PLD1: variants seen among roughly 807,000 people sequenced by gnomAD.
The protein encoded by PLD1 is phospholipase D1, also known as choline phosphatase 1.
A neutral mutation model predicts 137.1 loss-of-function variants in PLD1; 112 were observed. The observed-to-expected ratio is 0.82, with a 90% confidence interval of 0.70 to 0.96. PLD1 has a LOEUF of 0.96. Among genes scored for constraint, PLD1 ranks in the 40% least tolerant of loss-of-function variants. PLD1 has a pLI of 0.00. For missense variants in PLD1, 1,321 were observed against 1,342.0 expected (o/e 0.98, Z 0.24); for synonymous variants, 431 against 454.7 (o/e 0.95, Z 0.66).
In PLD1 at chr3:171,724,723, C is replaced by G. The variant is rs762549670; in HGVS notation, c.731G>C (p.Gly244Ala). The change falls in exon 8 of 27, where the codon GGA becomes GCA. Residue 244 changes from glycine (G) to alanine (A), a missense_variant. By Grantham distance (60) the Gly-to-Ala change is moderately conservative. Coordinates refer to ENST00000351298, the MANE Select transcript of PLD1 (RefSeq NM_002662.5). ...TTTTGACCATCTGTAGCAGGCTCTT[C>G]CCTGACCACAGCAATTCAAGCCTGG... ...RIPGLNCCGQGRACYRWSKRW... is the reference protein window; with the variant it reads ...RIPGLNCCGQARACYRWSKRW... 1.9e-6 allele frequency: 3 copies of G among 1,609,716 alleles called. No homozygotes were observed. Among genetic ancestry groups the G allele is most frequent in the East Asian group, 4.5e-5 (2 of 44,866 alleles).
At chr3:171,688,998 G>T in intron 13 of PLD1, 122 bp from the exon 14 acceptor site, 3 of 634,540 alleles carry the variant, frequency 4.7e-6, no homozygotes, top group African/African-American at 3.7e-5. Context: ...ACTGTACAAC[G>T]TATACACCAA....
At chr3:171,731,986 A>G (rs1039215472) in intron 6 of PLD1, among the ~76,000 whole-genome samples, 6 of 152,226 alleles carry the variant, frequency 3.9e-5, no homozygotes, top group Non-Finnish European at 8.8e-5. Flanking sequence ...TCCCAAATGT[A>G]GAAAAGTACA....
chr3:171,808,476 C>A (rs1461862431), intron 1 of PLD1, among the ~76,000 whole-genome samples: 1 of 152,110 alleles, frequency 6.6e-6, no homozygotes, highest in South Asian at 2.1e-4. Context: ...GTGGAGCTTG[C>A]AGTGAGCCGA....
rs576196114 is a variant in PLD1 at position 171,727,924 on chromosome 3, G to C, written c.607-1848C>G. Among the ~76,000 whole-genome samples the C allele has an allele frequency of 3.9e-5, 6 of 152,222 alleles. No individual in the cohort carries two copies. The East Asian group carries it at 5.8e-4, about 15-fold the overall frequency. The stretch of plus-strand genomic sequence containing the variant: ...TTCTTGGGGTTATTTGCAGAAAATA[G>C]GTCTTTAAAATTCAAAAGGACTTAA... On this transcript the variant is annotated intron_variant, in intron 6 of 26. Transcript: ENST00000351298.
At chr3:171,719,159 T>C (rs960402973) in intron 8 of PLD1, among the ~76,000 whole-genome samples, 1 of 152,180 alleles carries the variant, frequency 6.6e-6, no homozygotes, top group Non-Finnish European at 1.5e-5. Flanking sequence ...ATTCCATGGA[T>C]GGTCTCTTCT....
intron 1 of PLD1, among the ~76,000 whole-genome samples, chr3:171,794,985 C>T (rs1004752898): frequency 3.9e-5 from 6 of 152,182 alleles, no homozygotes; most frequent in Non-Finnish European, 5.9e-5. Flanking sequence ...TAGACATATG[C>T]GCATGCACAT....
intron 23 of PLD1, among the ~76,000 whole-genome samples, chr3:171,626,215 C>G (rs112400339): frequency 0.07 from 10,648 of 152,146 alleles, 1,081 homozygotes; most frequent in African/African-American, 0.22. Flanking sequence ...GCAGAAGCCT[C>G]AAGAGCCGAT....
chr3:171,722,850 T>C (rs1718231298), intron 8 of PLD1, among the ~76,000 whole-genome samples: 1 of 152,150 alleles, frequency 6.6e-6, no homozygotes, highest in Non-Finnish European at 1.5e-5. Flanking sequence ...TCATTTCTCT[T>C]TTTTTAATGT....
At chr3:171,706,169 C>T (rs1716680387) in intron 11 of PLD1, among the ~76,000 whole-genome samples, 1 of 116,870 alleles carries the variant, frequency 8.6e-6, no homozygotes, top group Admixed American at 8.8e-5. Context: ...TATCTATCTA[C>T]AACTGATATA....
chr3:171,748,998 T>A (rs942437231), intron 1 of PLD1, among the ~76,000 whole-genome samples: 1 of 151,854 alleles, frequency 6.6e-6, no homozygotes, highest in Non-Finnish European at 1.5e-5. Flanking sequence ...TCTGATGTTG[T>A]CCACTATAGA....
chr3:171,659,959 CTG>C (rs1462423203), intron 20 of PLD1, among the ~76,000 whole-genome samples: 1 of 152,140 alleles, frequency 6.6e-6, no homozygotes, highest in African/African-American at 2.4e-5. Flanking sequence ...GTCTTTAAAA[CTG>C]TTACTAGAAA....
chr3:171,642,033 G>A (rs939563408), intron 23 of PLD1, among the ~76,000 whole-genome samples: 1 of 152,090 alleles, frequency 6.6e-6, no homozygotes, highest in African/African-American at 2.4e-5. Context: ...CAAAGATATA[G>A]AGCACAGAGA....
chr3:171,805,293 C>T lies in PLD1; in HGVS notation c.-32+5106G>A, dbSNP rs541250857. Among the ~76,000 whole-genome samples, 284 of 152,246 alleles carry T rather than the reference C, an allele frequency of 1.9e-3. 1 individual carries two copies. The highest frequency in any genetic ancestry group is 6.5e-3 in the African/African-American group (268 of 41,530). On this transcript the variant is annotated intron_variant, in intron 1 of 26. Coordinates refer to ENST00000351298, the MANE Select transcript of PLD1 (RefSeq NM_002662.5). ...TCATCCAGAGGGGAGCTGAGGGTCACGGGCATTAGGAGCAACGGGGGAAGC... is the reference window on the plus strand; with the variant it reads ...TCATCCAGAGGGGAGCTGAGGGTCATGGGCATTAGGAGCAACGGGGGAAGC...
At chr3:171,622,886 T>A (rs1437351679) in intron 23 of PLD1, among the ~76,000 whole-genome samples, 1 of 151,764 alleles carries the variant, frequency 6.6e-6, no homozygotes, top group South Asian at 2.1e-4. Context: ...AGCCTTTATA[T>A]ACACAAAACA....
chr3:171,684,832 C>T (rs1410619105), intron 16 of PLD1, among the ~76,000 whole-genome samples: 2 of 152,196 alleles, frequency 1.3e-5, no homozygotes, highest in Non-Finnish European at 1.5e-5. Context: ...AGCAATCCTC[C>T]TGCTTCAGCC....
chr3:171,725,147 C>A (rs1017321796), intron 7 of PLD1, among the ~76,000 whole-genome samples: 1 of 152,206 alleles, frequency 6.6e-6, no homozygotes, highest in East Asian at 1.9e-4. Context: ...ATGTAACAAA[C>A]CCGCACGTTG....
At chr3:171,714,558 A>G (rs1297080242) in intron 8 of PLD1, among the ~76,000 whole-genome samples, 2 of 152,250 alleles carry the variant, frequency 1.3e-5, no homozygotes, top group Non-Finnish European at 2.9e-5. Context: ...CTTCCACATT[A>G]TGGAATAGTA....
intron 14 of PLD1, 97 bp downstream of exon 14, chr3:171,688,579 A>G (rs1714802574): frequency 3.1e-6 from 3 of 953,674 alleles, no homozygotes; most frequent in Admixed American, 1.9e-5. Flanking sequence ...AGGAGACACC[A>G]TCTCTTATTC....
intron 1 of PLD1, among the ~76,000 whole-genome samples, chr3:171,805,109 T>C (rs1382144423): frequency 6.6e-6 from 1 of 152,234 alleles, no homozygotes; most frequent in Non-Finnish European, 1.5e-5. Context: ...GAAGTCTCTC[T>C]CTCTCTTTCT....
Sources: allele counts gnomAD v4.1 joint callset (sites outside exome capture counted in the v4.1 genomes callset), GRCh38; gene constraint gnomAD v4.1.1; transcripts MANE v1.5; gene names NCBI Gene and HGNC (gene_info 2026-07-23, HGNC 2026-07-21).